The following CSAG3 variants were observed in gnomAD, a reference collection of about 807,000 sequenced individuals.
The protein encoded by CSAG3 is CSAG family member 3.
For synonymous variants in CSAG3, 4 were observed against 34.0 expected, an observed-to-expected ratio of 0.12 and a Z score of 3.07; for missense variants, 15 against 93.0, an observed-to-expected ratio of 0.16 and a Z score of 3.45.
chrX:152,755,245 TGA>T (rs1263073873), upstream of CSAG3: 11 of 160,366 alleles, frequency 6.9e-5, no homozygotes, highest in Non-Finnish European at 1.2e-4. Flanking sequence ...TAATTTAAGC[TGA>T]GTTTACATTT....
chrX:152,759,221 C>T, exon 1 of CSAG3: 1 of 329,956 alleles, frequency 3.0e-6, no homozygotes, highest in Non-Finnish European at 5.5e-6. Context: ...AAGATATGTG[C>T]AATGGCTAGT....
At chrX:152,758,829 T>TTCTCTCTCTCTCTCTCTCTCTCTC (rs1170908672), upstream of CSAG3, 35 of 50,619 alleles carry the variant, frequency 6.9e-4, no homozygotes, top group Admixed American at 1.6e-3. Context: ...CTCTCTCTCT[T>TTCTCTCTCTCTCTCTCTCTCTCTC]TCTCTCTCTC....
chrX:152,757,605 TTATATATATATATATATATGTA>T (rs1175257419), upstream of CSAG3, among the ~76,000 whole-genome samples: 4 of 42,100 alleles, frequency 9.5e-5, 2 homozygotes, highest in African/African-American at 3.0e-4. Context: ...CAATGTCTGG[TTATATATATATATATATATGTA>T]TATATATATA....
chrX:152,758,877 T>TCTCTCTC (rs1375603795), upstream of CSAG3: 72 of 50,191 alleles, frequency 1.4e-3, 3 homozygotes, highest in East Asian at 2.9e-3. Flanking sequence ...CTCTCTCTCT[T>TCTCTCTC]TCTTTCTCTC....
upstream of CSAG3, among the ~76,000 whole-genome samples, chrX:152,757,609 A>T (rs1932586151): frequency 2.2e-5 from 1 of 44,683 alleles, no homozygotes; most frequent in Non-Finnish European, 3.7e-5. Context: ...GTCTGGTTAT[A>T]TATATATATA....
chrX:152,759,208 T>G (rs1373095102), upstream of CSAG3: 1 of 314,522 alleles, frequency 3.2e-6, no homozygotes, highest in Non-Finnish European at 5.8e-6. Context: ...TTCTGTATGG[T>G]GCAAGATATG....
At chrX:152,759,139 C>A (rs1289071102), upstream of CSAG3, 5 of 262,631 alleles carry the variant, frequency 1.9e-5, no homozygotes, top group East Asian at 3.8e-4. Context: ...TTTGTTTCCT[C>A]CTAGAAAAAA....
upstream of CSAG3, chrX:152,758,831 C>CTCTCTCTCTCTCTCTCTCTCTCTT (rs1932604976): frequency 9.3e-5 from 2 of 21,406 alleles, no homozygotes; most frequent in Non-Finnish European, 1.8e-4. Context: ...CTCTCTCTTT[C>CTCTCTCTCTCTCTCTCTCTCTCTT]TCTCTCTCTC....
upstream of CSAG3, chrX:152,758,851 C>G (rs1297330265): frequency 1.1e-5 from 1 of 92,499 alleles, no homozygotes; most frequent in East Asian, 4.1e-4. Flanking sequence ...CTCTCTCTCT[C>G]TCTCTCTCTC....
chrX:152,758,829 T>TCTTTCTCTC (rs1932603172), upstream of CSAG3: 63 of 50,628 alleles, frequency 1.2e-3, no homozygotes, highest in African/African-American at 4.1e-3. Context: ...CTCTCTCTCT[T>TCTTTCTCTC]TCTCTCTCTC....
chrX:152,758,711 A>T (rs1932596278), upstream of CSAG3, among the ~76,000 whole-genome samples: 3 of 50,216 alleles, frequency 6.0e-5, no homozygotes, highest in Non-Finnish European at 7.0e-5. Flanking sequence ...ATGTTAAAAG[A>T]GGCCATAAGG....
At chrX:152,757,592 T>G (rs1932585033), upstream of CSAG3, among the ~76,000 whole-genome samples, 1 of 41,996 alleles carries the variant, frequency 2.4e-5, no homozygotes, top group Non-Finnish European at 3.9e-5. Context: ...TGAGGAGTAG[T>G]ATCAATGTCT....
upstream of CSAG3, chrX:152,758,904 C>T (rs1932612213): frequency 1.1e-5 from 1 of 89,402 alleles, no homozygotes; most frequent in African/African-American, 4.6e-5. Context: ...TGCACATGCA[C>T]AGAGGAAAGG....
chrX:152,758,829 T>TCTCTTTCTCTC (rs1932603172), upstream of CSAG3: 1 of 50,637 alleles, frequency 2.0e-5, no homozygotes, highest in African/African-American at 7.2e-5. Context: ...CTCTCTCTCT[T>TCTCTTTCTCTC]TCTCTCTCTC....
chrX:152,758,877 T>TCTCTCTCTC (rs1375603795), upstream of CSAG3: 79 of 50,207 alleles, frequency 1.6e-3, 1 homozygote, highest in Middle Eastern at 0.011. Flanking sequence ...CTCTCTCTCT[T>TCTCTCTCTC]TCTTTCTCTC....
At chrX:152,758,877 T>TCTCTCTCTCTCTC (rs1375603795), upstream of CSAG3, 77 of 50,197 alleles carry the variant, frequency 1.5e-3, 2 homozygotes, top group East Asian at 9.4e-3. Context: ...CTCTCTCTCT[T>TCTCTCTCTCTCTC]TCTTTCTCTC....
At chrX:152,758,912 A>G (rs1427845872), upstream of CSAG3, 1 of 92,785 alleles carries the variant, frequency 1.1e-5, no homozygotes, top group Non-Finnish European at 2.0e-5. Context: ...CACAGAGGAA[A>G]GGCCAAGAAT....
chrX:152,759,033 A>T, upstream of CSAG3: 1 of 194,614 alleles, frequency 5.1e-6, no homozygotes, highest in East Asian at 1.5e-4. Context: ...TGAGAAAAAA[A>T]ATAAATTTCT....
upstream of CSAG3, chrX:152,758,839 C>T (rs1556828554): frequency 5.8e-3 from 387 of 66,386 alleles, 2 homozygotes; most frequent in African/African-American, 0.027. Context: ...TTCTCTCTCT[C>T]TCTCTCTCTC....
Sources: gnomAD v4.1 joint callset for allele counts (sites outside exome capture counted in the v4.1 genomes callset) on GRCh38, gnomAD v4.1.1 for gene constraint, MANE v1.5 for transcripts, NCBI Gene and HGNC (gene_info 2026-07-23, HGNC 2026-07-21) for gene names.